Variants in HDAC4 observed in about 807,000 individuals in gnomAD.
The protein encoded by HDAC4 is histone deacetylase A.
A neutral mutation model predicts 135.1 loss-of-function variants in HDAC4; 16 were observed. That is an observed-to-expected ratio of 0.12 (90% CI 0.08 to 0.18). The LOEUF (loss-of-function observed/expected upper bound fraction) is 0.18, where lower values mean the gene tolerates loss of function less well. HDAC4 is among the 10% of genes least tolerant of loss of function. The pLI, the probability that HDAC4 is intolerant of heterozygous loss-of-function variation, is 1.00. For synonymous variants in HDAC4, 685 were observed against 653.4 expected (o/e 1.05, Z -0.74); for missense variants, 1,143 against 1,511.8 (o/e 0.76, Z 4.05).
rs796837146 is a variant in HDAC4, at chr2:239,197,882, T to TGTGCGC, written c.95-7806_95-7805insGCGCAC. Among the ~76,000 whole-genome samples, 7 of 150,422 alleles carry TGTGCGC rather than the reference T, an allele frequency of 4.7e-5. No individual in the cohort carries two copies. The East Asian group carries it at 5.9e-4, about 13-fold the overall frequency. ...GTGTGTGTGTGTGTGTGTGTGTGTG[T>TGTGCGC]GCTGAGTGTCACCCAGGCTGGACTG... On this transcript the variant is annotated intron_variant, in intron 3 of 26. Transcript: ENST00000543185.
At chr2:239,206,970 C>T (rs2046083375) in intron 3 of HDAC4, among the ~76,000 whole-genome samples, 1 of 152,092 alleles carries the variant, frequency 6.6e-6, no homozygotes, top group Non-Finnish European at 1.5e-5. Flanking sequence ...TGACTGGGGT[C>T]TGATTCTGAA....
intron 18 of HDAC4, among the ~76,000 whole-genome samples, chr2:239,087,962 C>T (rs1043319415): frequency 2.6e-5 from 4 of 152,192 alleles, no homozygotes; most frequent in African/African-American, 4.8e-5. Context: ...CACTCCCCGT[C>T]GGCTCGGGAC....
chr2:239,286,327 A>T (rs2051134082), intron 2 of HDAC4, among the ~76,000 whole-genome samples: 1 of 152,254 alleles, frequency 6.6e-6, no homozygotes, highest in African/African-American at 2.4e-5. Flanking sequence ...AATAAATGCC[A>T]TGCAAAAATA....
intron 20 of HDAC4, 27 bp downstream of exon 20, chr2:239,084,128 T>C (rs564448906): frequency 7.0e-6 from 11 of 1,565,584 alleles, no homozygotes; most frequent in Non-Finnish European, 9.7e-6. Flanking sequence ...CAACCTGAGC[T>C]GCGCTGGCCA....
At chr2:239,328,752 T>C (rs1036714526) in intron 2 of HDAC4, among the ~76,000 whole-genome samples, 2 of 152,126 alleles carry the variant, frequency 1.3e-5, no homozygotes, top group African/African-American at 4.8e-5. Flanking sequence ...GCCTGACCTC[T>C]CGGGCGCCCG....
intron 15 of HDAC4, among the ~76,000 whole-genome samples, chr2:239,105,402 A>T (rs1346710150): frequency 6.6e-6 from 1 of 152,074 alleles, no homozygotes; most frequent in Non-Finnish European, 1.5e-5. Context: ...GCACACACAC[A>T]TGGCTATACT....
At chr2:239,342,598 G>T (rs1252024206) in intron 2 of HDAC4, among the ~76,000 whole-genome samples, 5 of 152,214 alleles carry the variant, frequency 3.3e-5, no homozygotes, top group African/African-American at 1.2e-4. Context: ...CAGTCATCCT[G>T]AACACTGTGT....
In HDAC4 at chr2:239,349,076, C is replaced by T. The variant is rs1277567415; in HGVS notation, c.22+3602G>A. On this transcript the variant is annotated intron_variant, in intron 2 of 26. Coordinates refer to ENST00000543185, the MANE Select transcript of HDAC4 (RefSeq NM_001378414.1). The surrounding 1 kb of genome is among the most constrained non-coding windows in gnomAD (Gnocchi z 5.7). ...CATGGGCGGCTGGACTCCCCCAGCCCGGCCTGCCCAGGGAGTGAGGGCGGC... is the reference window on the plus strand; with the variant it reads ...CATGGGCGGCTGGACTCCCCCAGCCTGGCCTGCCCAGGGAGTGAGGGCGGC... 1.3e-5 allele frequency among the ~76,000 whole-genome samples: 2 copies of T among 152,316 alleles called. No homozygotes were observed. Among genetic ancestry groups the T allele is most frequent in the East Asian group, 1.9e-4 (1 of 5,172 alleles).
intron 2 of HDAC4, among the ~76,000 whole-genome samples, chr2:239,239,946 GGCCCCGTGA>G (rs1402328839): frequency 1.3e-5 from 2 of 152,258 alleles, no homozygotes; most frequent in Non-Finnish European, 2.9e-5. Context: ...CACATGTGGA[GGCCCCGTGA>G]GCCCCAGCCA....
chr2:239,097,881 G>T (rs1366399652), intron 16 of HDAC4, among the ~76,000 whole-genome samples: 1 of 152,222 alleles, frequency 6.6e-6, no homozygotes, highest in Non-Finnish European at 1.5e-5. Flanking sequence ...GCTGGGAGTG[G>T]CTCCGTGGGC....
chr2:239,113,023 G>A (rs1056807134), intron 13 of HDAC4, among the ~76,000 whole-genome samples: 1 of 152,148 alleles, frequency 6.6e-6, no homozygotes, highest in Admixed American at 6.5e-5. Flanking sequence ...TAAGGAGTTC[G>A]AGACCAGCCT....
chr2:239,128,818 AGAG>A (rs2040374366), intron 11 of HDAC4, among the ~76,000 whole-genome samples: 1 of 152,190 alleles, frequency 6.6e-6, no homozygotes, highest in Non-Finnish European at 1.5e-5. Flanking sequence ...GACCCTCTGC[AGAG>A]GAGAAGGACA....
At chr2:239,124,591 C>T (rs940206260) in intron 12 of HDAC4, among the ~76,000 whole-genome samples, 1 of 127,336 alleles carries the variant, frequency 7.9e-6, no homozygotes, top group African/African-American at 4.7e-5. Context: ...TGTGGCCGCA[C>T]GTCATTCCAC....
chr2:239,096,520 A>G lies in HDAC4; in HGVS notation c.2234-1464T>C, dbSNP rs1225504421. On this transcript the variant is annotated intron_variant, in intron 16 of 26. Coordinates refer to ENST00000543185, the MANE Select transcript of HDAC4 (RefSeq NM_001378414.1). The stretch of plus-strand genomic sequence containing the variant: ...GCCCCCATGGACACCCACACCCCCC[A>G]TGGACGCCAGTACCCCCCACGGATG... Among the ~76,000 whole-genome samples, 5 of 33,182 alleles carry G rather than the reference A, an allele frequency of 1.5e-4. No homozygotes were observed. In the East Asian group the frequency reaches 5.7e-3, roughly 38 times the overall value. 21.8% of individuals were successfully genotyped at this position (33,182 alleles called of 152,430 possible). A position where few individuals can be genotyped will look rare whatever the true frequency, so the allele number is the denominator to read the frequency against.
chr2:239,173,263 T>G (rs1242839563), intron 5 of HDAC4, among the ~76,000 whole-genome samples: 1 of 152,208 alleles, frequency 6.6e-6, no homozygotes, highest in Non-Finnish European at 1.5e-5. Flanking sequence ...AAATAAAATG[T>G]TAGCAAATCC....
chr2:239,310,669 T>C (rs942735339), intron 2 of HDAC4, among the ~76,000 whole-genome samples: 11 of 152,162 alleles, frequency 7.2e-5, no homozygotes, highest in African/African-American at 2.4e-4. Context: ...GATGCAAATA[T>C]GATAAGCAAA....
At chr2:239,277,290 G>A (rs527388515) in intron 2 of HDAC4, among the ~76,000 whole-genome samples, 13 of 152,276 alleles carry the variant, frequency 8.5e-5, no homozygotes, top group South Asian at 4.1e-4. Flanking sequence ...TCTTGTTCCC[G>A]GTCTGTCCAG....
chr2:239,317,188 T>A (rs980584817), intron 2 of HDAC4, among the ~76,000 whole-genome samples: 3 of 152,110 alleles, frequency 2.0e-5, no homozygotes, highest in African/African-American at 7.2e-5. Context: ...AGTAAGTACA[T>A]GATGGATTCT....
intron 4 of HDAC4, among the ~76,000 whole-genome samples, chr2:239,181,769 G>A (rs1559189592): frequency 6.6e-6 from 1 of 152,200 alleles, no homozygotes; most frequent in Non-Finnish European, 1.5e-5. Flanking sequence ...TGGGTTAAAT[G>A]TGGCACCTGC....
Sources: gnomAD v4.1 joint callset for allele counts (sites outside exome capture counted in the v4.1 genomes callset) on GRCh38, gnomAD v4.1.1 for gene constraint, Gnocchi (gnomAD v3.1) non-coding constraint, MANE v1.5 for transcripts, NCBI Gene and HGNC (gene_info 2026-07-23, HGNC 2026-07-21) for gene names.